Variants in ODAD2 observed in about 807,000 individuals in gnomAD.
ODAD2 encodes outer dynein arm-docking complex subunit 2.
In ODAD2, 89 loss-of-function variants were observed where a neutral mutation model predicts 106.8. That is an observed-to-expected ratio of 0.83 (90% CI 0.70 to 0.99). The LOEUF is 0.99. Among genes scored for constraint, ODAD2 ranks in the 50% least tolerant of loss-of-function variants. The pLI, the probability that ODAD2 is intolerant of heterozygous loss-of-function variation, is 0.00. For synonymous variants in ODAD2, 404 were observed against 436.2 expected, an observed-to-expected ratio of 0.93 and a Z score of 0.92; for missense variants, 1,168 against 1,238.5, an observed-to-expected ratio of 0.94 and a Z score of 0.85.
intron 2 of ODAD2, 108 bp downstream of exon 2, chr10:27,994,811 G>C: frequency 8.4e-7 from 1 of 1,186,778 alleles, no homozygotes; most frequent in Non-Finnish European, 1.2e-6. Flanking sequence ...GGTTTAGAGG[G>C]CTTCTGAGGT....
intron 17 of ODAD2, among the ~76,000 whole-genome samples, chr10:27,867,789 T>C (rs1480430671): frequency 3.3e-5 from 5 of 151,736 alleles, no homozygotes; most frequent in Admixed American, 1.3e-4. Context: ...ATCTCTACTA[T>C]AATACAAAAA....
At chr10:27,882,798 T>G (rs534561769) in intron 17 of ODAD2, among the ~76,000 whole-genome samples, 10 of 152,204 alleles carry the variant, frequency 6.6e-5, no homozygotes, top group Admixed American at 3.3e-4. Context: ...TTCTAAAAAC[T>G]GCCTGTATGG....
At chr10:27,820,485 G>A (rs1004183160) in intron 19 of ODAD2, among the ~76,000 whole-genome samples, 4 of 151,900 alleles carry the variant, frequency 2.6e-5, no homozygotes, top group Non-Finnish European at 5.9e-5. Flanking sequence ...GGCTATTCCC[G>A]GAGTCAACCA....
At chr10:27,990,701 C>G (rs535686695) in intron 2 of ODAD2, among the ~76,000 whole-genome samples, 1 of 152,130 alleles carries the variant, frequency 6.6e-6, no homozygotes, top group African/African-American at 2.4e-5. Flanking sequence ...CCTTAGAGAT[C>G]ATGTAAATTC....
intron 10 of ODAD2, among the ~76,000 whole-genome samples, chr10:27,953,481 T>C (rs1170219260): frequency 6.6e-6 from 1 of 152,106 alleles, no homozygotes; most frequent in East Asian, 1.9e-4. Context: ...ATCCAAACAA[T>C]GTGTAAAAAT....
At position 27,812,491 on chromosome 10, in the gene ODAD2, C is replaced by A. The variant is rs747727153; in HGVS notation, c.*21G>T. 6.2e-7 allele frequency: 1 copy of A among 1,610,926 alleles called. No homozygotes were observed. Among genetic ancestry groups the A allele is most frequent in the African/African-American group, 1.3e-5 (1 of 74,782 alleles). On this transcript the variant is annotated 3_prime_UTR_variant, in exon 20 of 20. Transcript: ENST00000305242. ...TCCTGTGTCATGTAGAATTTGATAG[C>A]TTGTAATGTCCATTTAAATTTCAAG...
intron 19 of ODAD2, among the ~76,000 whole-genome samples, chr10:27,849,639 A>T (rs1839091940): frequency 6.6e-6 from 1 of 152,164 alleles, no homozygotes; most frequent in African/African-American, 2.4e-5. Flanking sequence ...AAGAGAGGGA[A>T]AAAAGTGGCT....
chr10:27,900,613 A>C (rs1341658575), intron 17 of ODAD2, among the ~76,000 whole-genome samples: 1 of 152,220 alleles, frequency 6.6e-6, no homozygotes, highest in African/African-American at 2.4e-5. Flanking sequence ...TTAGAGAAGA[A>C]CAGAAATGAC....
intron 19 of ODAD2, among the ~76,000 whole-genome samples, chr10:27,827,379 C>CACACTATATATATATATA (rs1239159370): frequency 2.0e-4 from 27 of 132,452 alleles, no homozygotes; most frequent in Admixed American, 1.5e-3. Flanking sequence ...CACACACACA[C>CACACTATATATATATATA]TATATATATA....
intron 2 of ODAD2, among the ~76,000 whole-genome samples, chr10:27,990,144 T>A (rs1048901317): frequency 6.6e-6 from 1 of 151,884 alleles, no homozygotes; most frequent in Non-Finnish European, 1.5e-5. Context: ...CAGTATCGAG[T>A]TTAGTGTCCT....
intron 7 of ODAD2, among the ~76,000 whole-genome samples, chr10:27,975,256 A>G (rs1158930184): frequency 3.3e-5 from 5 of 152,202 alleles, no homozygotes; most frequent in Admixed American, 6.5e-5. Context: ...GTATTGTAAC[A>G]TTTTTTAAAA....
chr10:27,849,604 T>A (rs137936133), intron 19 of ODAD2, among the ~76,000 whole-genome samples: 1 of 152,174 alleles, frequency 6.6e-6, no homozygotes, highest in East Asian at 1.9e-4. Context: ...AAGCATTGCC[T>A]AGAGCTCCCC....
chr10:27,928,818 C>G (rs1845427218), intron 16 of ODAD2, among the ~76,000 whole-genome samples: 1 of 152,114 alleles, frequency 6.6e-6, no homozygotes, highest in Non-Finnish European at 1.5e-5. Context: ...CATTTACACA[C>G]AGCACTTATT....
At chr10:27,926,747 G>T (rs1845285447) in intron 16 of ODAD2, among the ~76,000 whole-genome samples, 1 of 152,216 alleles carries the variant, frequency 6.6e-6, no homozygotes, top group African/African-American at 2.4e-5. Flanking sequence ...AGATATTTCT[G>T]AAGTTTTTAA....
chr10:27,941,217 C>T (rs1001886870), intron 12 of ODAD2, among the ~76,000 whole-genome samples: 34 of 152,196 alleles, frequency 2.2e-4, no homozygotes, highest in African/African-American at 8.2e-4. Flanking sequence ...GGAACACTGG[C>T]TCACGCCTGT....
intron 19 of ODAD2, among the ~76,000 whole-genome samples, chr10:27,844,079 T>C (rs10826352): frequency 0.6 from 90,611 of 151,918 alleles, 27,362 homozygotes; most frequent in Middle Eastern, 0.7. Flanking sequence ...GCACCTGCAG[T>C]CCCAGCTACT....
intron 19 of ODAD2, among the ~76,000 whole-genome samples, chr10:27,833,776 A>G (rs1015109268): frequency 6.6e-5 from 10 of 152,194 alleles, no homozygotes; most frequent in African/African-American, 2.4e-4. Flanking sequence ...CAGTTTACTG[A>G]GATGCACAAT....
At chr10:27,965,505 G>T (rs1255947430) in intron 9 of ODAD2, among the ~76,000 whole-genome samples, 4 of 152,292 alleles carry the variant, frequency 2.6e-5, no homozygotes, top group African/African-American at 9.6e-5. Context: ...ATTCATTTGG[G>T]CTATTGCAGA....
rs1849948043 is a variant in ODAD2, at chr10:27,987,506, C to T, written c.262G>A (p.Gly88Arg). ...ACAGAGAGAAATAGCAAAGGCTGTC[C>T]ATTTTTATCAACTTCTTCTGATTTG... The part of the protein sequence containing the change: ...TVKSEEVDKN[G>R]QPLLFLSVPQ... The change falls in exon 3 of 20, where the codon GGA becomes AGA. Residue 88 changes from glycine (G) to arginine (R), a missense_variant. Coordinates refer to ENST00000305242, the MANE Select transcript of ODAD2 (RefSeq NM_018076.5). 1.2e-6 allele frequency: 2 copies of T among 1,612,046 alleles called. No homozygotes were observed. Among genetic ancestry groups the T allele is most frequent in the East Asian group, 4.5e-5 (2 of 44,856 alleles).
Sources: gnomAD v4.1 joint callset for allele counts (sites outside exome capture counted in the v4.1 genomes callset) on GRCh38, gnomAD v4.1.1 for gene constraint, MANE v1.5 for transcripts, NCBI Gene and HGNC (gene_info 2026-07-23, HGNC 2026-07-21) for gene names.